ANKS1B: variants seen among roughly 807,000 people sequenced by gnomAD.
The protein encoded by ANKS1B is ankyrin repeat and sterile alpha motif domain containing 1B.
ANKS1B carries 36 observed loss-of-function variants against 148.3 expected under a neutral mutation model. The ratio of observed to expected loss-of-function variants is 0.24; its 90% confidence interval spans 0.19 to 0.32. The LOEUF is 0.32. Among genes scored for constraint, ANKS1B ranks in the 10% least tolerant of loss-of-function variants. ANKS1B has a pLI of 1.00. For missense variants in ANKS1B, 1,157 were observed against 1,542.6 expected (o/e 0.75, Z 4.19); for synonymous variants, 542 against 560.8 (o/e 0.97, Z 0.47).
chr12:98,819,899 G>A (rs1170302613), intron 19 of ANKS1B, among the ~76,000 whole-genome samples: 1 of 152,172 alleles, frequency 6.6e-6, no homozygotes, highest in Non-Finnish European at 1.5e-5. Context: ...ATACAGAAAG[G>A]AGGTCATATC....
chr12:99,445,831 C>T (rs1771377481), intron 10 of ANKS1B, among the ~76,000 whole-genome samples: 1 of 151,956 alleles, frequency 6.6e-6, no homozygotes, highest in Admixed American at 6.6e-5. Context: ...AAGTGATCCT[C>T]CCACCTTAGC....
At chr12:99,444,828 T>C (rs1222666616) in intron 10 of ANKS1B, among the ~76,000 whole-genome samples, 2 of 152,054 alleles carry the variant, frequency 1.3e-5, no homozygotes, top group African/African-American at 2.4e-5. Flanking sequence ...GAATTTTTTA[T>C]AGACCAGGAA....
chr12:99,488,691 G>T (rs566345327), intron 10 of ANKS1B, among the ~76,000 whole-genome samples: 12 of 152,224 alleles, frequency 7.9e-5, no homozygotes, highest in African/African-American at 2.6e-4. Flanking sequence ...CCACTGCTCT[G>T]CCCACTGCTG....
intron 17 of ANKS1B, among the ~76,000 whole-genome samples, chr12:98,895,611 T>C (rs985628672): frequency 1.1e-4 from 16 of 152,158 alleles, no homozygotes; most frequent in African/African-American, 2.9e-4. Flanking sequence ...CCCTCTCCTG[T>C]GGGACTTGCG....
chr12:99,303,496 GA>G (rs758235297), intron 12 of ANKS1B, among the ~76,000 whole-genome samples: 90 of 152,022 alleles, frequency 5.9e-4, no homozygotes, highest in Non-Finnish European at 1.1e-3. Context: ...TGGTGAATCA[GA>G]AAAGGTGCCT....
intron 17 of ANKS1B, among the ~76,000 whole-genome samples, chr12:98,991,945 AT>A (rs1260597353): frequency 2.0e-5 from 3 of 152,226 alleles, no homozygotes; most frequent in African/African-American, 7.2e-5. Flanking sequence ...GGCTGGGAAA[AT>A]AGAATATTTA....
intron 16 of ANKS1B, among the ~76,000 whole-genome samples, chr12:99,066,697 G>T (rs1422158210): frequency 6.6e-6 from 1 of 152,180 alleles, no homozygotes. Context: ...CAGAAGGAAG[G>T]GGCTAGTGGC....
chr12:99,914,729 GT>G (rs2094117068), intron 1 of ANKS1B, among the ~76,000 whole-genome samples: 1 of 152,014 alleles, frequency 6.6e-6, no homozygotes, highest in Non-Finnish European at 1.5e-5. Flanking sequence ...ATTTAGGGGG[GT>G]GTACATGAGA....
intron 12 of ANKS1B, among the ~76,000 whole-genome samples, chr12:99,288,743 A>G (rs2079494509): frequency 6.6e-6 from 1 of 152,128 alleles, no homozygotes; most frequent in South Asian, 2.1e-4. Context: ...TGATAACCTC[A>G]AATCATAAAA....
intron 10 of ANKS1B, among the ~76,000 whole-genome samples, chr12:99,448,843 G>T (rs552362744): frequency 6.6e-6 from 1 of 152,084 alleles, no homozygotes; most frequent in South Asian, 2.1e-4. Context: ...CAGACTATAG[G>T]AGGAGCATAA....
At chr12:99,527,431 C>A (rs926450220) in intron 9 of ANKS1B, among the ~76,000 whole-genome samples, 5 of 152,078 alleles carry the variant, frequency 3.3e-5, no homozygotes, top group Admixed American at 1.3e-4. Context: ...CAATATAGTA[C>A]AATATAGAGG....
chr12:98,952,187 A>G (rs1398140304), intron 17 of ANKS1B, among the ~76,000 whole-genome samples: 1 of 152,222 alleles, frequency 6.6e-6, no homozygotes, highest in Non-Finnish European at 1.5e-5. Context: ...TTCATTTTTC[A>G]TAACATCTTT....
intron 14 of ANKS1B, among the ~76,000 whole-genome samples, chr12:99,194,391 T>G (rs1289184139): frequency 6.6e-6 from 1 of 152,048 alleles, no homozygotes; most frequent in Non-Finnish European, 1.5e-5. Context: ...TTGACACAAC[T>G]TTCTCTTACC....
chr12:99,717,899 C>CTTTTT (rs943618905), intron 8 of ANKS1B, among the ~76,000 whole-genome samples: 42 of 111,070 alleles, frequency 3.8e-4, no homozygotes, highest in East Asian at 1.6e-3. Flanking sequence ...AGACAATACT[C>CTTTTT]TTTTTTTTTT....
chr12:98,770,164 G>A lies in ANKS1B; in HGVS notation c.3579+2878C>T, dbSNP rs779932593. Among the ~76,000 whole-genome samples, 4 of 152,188 alleles carry A rather than the reference G, an allele frequency of 2.6e-5. No homozygotes were observed. The East Asian group carries it at 5.8e-4, about 22-fold the overall frequency. ...TTCATTTCACTCCTGGTGAAAACCT[G>A]CAAGGTAGAAACTCTTGTCTCTGTT... On this transcript the variant is annotated intron_variant, in intron 25 of 26. Transcript: ENST00000683438.
chr12:99,412,464 T>G (rs753713087), intron 11 of ANKS1B, among the ~76,000 whole-genome samples: 1 of 152,222 alleles, frequency 6.6e-6, no homozygotes, highest in Non-Finnish European at 1.5e-5. Context: ...TTGCTCAGGC[T>G]TGAGATTCTT....
At chr12:99,808,437 G>A (rs2067914895) in intron 3 of ANKS1B, among the ~76,000 whole-genome samples, 1 of 152,066 alleles carries the variant, frequency 6.6e-6, no homozygotes, top group Non-Finnish European at 1.5e-5. Context: ...CAAACCCACA[G>A]GGAAAAATCT....
intron 4 of ANKS1B, among the ~76,000 whole-genome samples, chr12:99,789,596 T>A (rs1488122252): frequency 6.6e-6 from 1 of 152,058 alleles, no homozygotes; most frequent in Non-Finnish European, 1.5e-5. Flanking sequence ...TCAGATAAAT[T>A]TAACAAAGAG....
intron 14 of ANKS1B, among the ~76,000 whole-genome samples, chr12:99,171,602 C>T (rs1341204319): frequency 6.6e-6 from 1 of 152,152 alleles, no homozygotes; most frequent in Admixed American, 6.6e-5. Flanking sequence ...TTAAGAAATA[C>T]CAGCCTTTAC....
Sources: allele counts gnomAD v4.1 joint callset (sites outside exome capture counted in the v4.1 genomes callset), GRCh38; gene constraint gnomAD v4.1.1; transcripts MANE v1.5; gene names NCBI Gene and HGNC (gene_info 2026-07-23, HGNC 2026-07-21).